The following MTMR1 variants were observed in gnomAD, a reference collection of about 807,000 sequenced individuals.
The protein encoded by MTMR1 is phosphatidylinositol-3-phosphate phosphatase MTMR1.
Under a neutral mutation model 51.6 loss-of-function variants are expected in MTMR1, and 17 were observed. The observed-to-expected ratio is 0.33, with a 90% CI of 0.23 to 0.49. The LOEUF is 0.49. Ranked by LOEUF, MTMR1 falls within the 20% of genes least tolerant of loss-of-function variation. The pLI is 0.99. For missense variants in MTMR1, 386 were observed against 526.9 expected (o/e 0.73, Z 2.62); for synonymous variants, 201 against 205.6 (o/e 0.98, Z 0.19).
Position 150,765,030 on chromosome X carries a change from GCA to G in MTMR1, c.*2304_*2305del, listed in dbSNP as rs1166084561. The stretch of plus-strand genomic sequence containing the variant: ...GGATTGAATGTTTACTGTGCGTCAA[GCA>G]CAGTTAATATATGATGATGTAAAGT... On this transcript the variant is annotated 3_prime_UTR_variant, in exon 16 of 16. Transcript: ENST00000445323. The G allele has an allele frequency of 9.0e-6, 1 of 111,603 alleles. No homozygotes were observed. The highest frequency in any genetic ancestry group is 3.2e-5 in the African/African-American group (1 of 30,783). 9.2% of individuals were successfully genotyped at this position (111,603 alleles called of 1,213,427 possible).
chrX:150,729,218 C>CCACACACACA (rs57306023), intron 6 of MTMR1, among the ~76,000 whole-genome samples: 1 of 100,107 alleles, frequency 1.0e-5, no homozygotes, highest in Non-Finnish European at 2.0e-5. Flanking sequence ...ACACACCCAC[C>CCACACACACA]CACACACACA....
intron 3 of MTMR1, among the ~76,000 whole-genome samples, chrX:150,713,505 A>T (rs1319445301): frequency 8.9e-5 from 10 of 111,832 alleles, no homozygotes; most frequent in Non-Finnish European, 1.5e-4. Flanking sequence ...TTAAAGCTTT[A>T]CTAGTTCTTC....
chrX:150,737,537 T>TAC (rs1421599112), intron 12 of MTMR1, 89 bp downstream of exon 12: 7 of 742,362 alleles, frequency 9.4e-6, no homozygotes, highest in Non-Finnish European at 1.4e-5. Context: ...AGCGCATATA[T>TAC]ACACACACAC....
intron 4 of MTMR1, among the ~76,000 whole-genome samples, chrX:150,719,398 G>A (rs2041672059): frequency 8.9e-6 from 1 of 111,841 alleles, no homozygotes; most frequent in South Asian, 3.8e-4. Flanking sequence ...TTTGAGTAGC[G>A]GGGCTCTCCC....
intron 1 of MTMR1, among the ~76,000 whole-genome samples, chrX:150,695,104 G>C (rs1557415697): frequency 8.9e-6 from 1 of 112,299 alleles, no homozygotes; most frequent in African/African-American, 3.2e-5. Flanking sequence ...GGGGGTGATA[G>C]TATTCTAGTC....
chrX:150,705,458 A>C (rs190263595), intron 2 of MTMR1, among the ~76,000 whole-genome samples: 1 of 112,458 alleles, frequency 8.9e-6, no homozygotes, highest in Admixed American at 9.4e-5. Context: ...CAAAGAAAAA[A>C]ATATTGAAAG....
intron 14 of MTMR1, among the ~76,000 whole-genome samples, chrX:150,755,480 T>C (rs2148670968): frequency 8.9e-6 from 1 of 111,974 alleles, no homozygotes; most frequent in Non-Finnish European, 1.9e-5. Flanking sequence ...TTCAGCAATA[T>C]GTTTTTCCAG....
chrX:150,715,326 A>G (rs1347543432), intron 3 of MTMR1, among the ~76,000 whole-genome samples: 1 of 112,472 alleles, frequency 8.9e-6, no homozygotes, highest in Non-Finnish European at 1.9e-5. Flanking sequence ...GAACAAATTC[A>G]GGGAGCTGGC....
chrX:150,712,829 T>G, intron 3 of MTMR1: 1 of 381,192 alleles, frequency 2.6e-6, no homozygotes, highest in African/African-American at 2.8e-5. Context: ...AAAGCAGAAG[T>G]GCTAATCTTG....
At chrX:150,693,026 G>A (rs2040532398), upstream of MTMR1, 1 of 111,474 alleles carries the variant, frequency 9.0e-6, no homozygotes. Context: ...CAAGACCGAG[G>A]GAGCTTGAGC....
At chrX:150,707,309 G>T (rs2041145534) in intron 2 of MTMR1, among the ~76,000 whole-genome samples, 1 of 111,686 alleles carries the variant, frequency 9.0e-6, no homozygotes, top group Non-Finnish European at 1.9e-5. Flanking sequence ...GCTACAAAGT[G>T]GAAGAAAATA....
At chrX:150,751,230 G>GGT in intron 14 of MTMR1, 1 of 787,324 alleles carries the variant, frequency 1.3e-6, no homozygotes. Flanking sequence ...TAGCCAAAAA[G>GGT]CCCACTTTAG....
At chrX:150,718,479 G>A in intron 3 of MTMR1, 146 bp from the exon 4 acceptor site, 1 of 658,808 alleles carries the variant, frequency 1.5e-6, no homozygotes, top group Non-Finnish European at 2.1e-6. Flanking sequence ...CTTTGAAGGG[G>A]TTGGGTGCTT....
At chrX:150,718,603 T>C (rs1557416488) in intron 3 of MTMR1, 22 bp from the exon 4 acceptor site, 1 of 983,902 alleles carries the variant, frequency 1.0e-6, no homozygotes, top group Non-Finnish European at 1.3e-6. Flanking sequence ...TTTTTTTTTT[T>C]TTTTTTTTTT....
intron 12 of MTMR1, 50 bp downstream of exon 12, chrX:150,737,498 GGAT>G (rs2042308316): frequency 9.6e-7 from 1 of 1,046,921 alleles, no homozygotes. Context: ...GGTATCATAT[GGAT>G]GTAAACGTCA....
At chrX:150,742,632 C>T (rs1014873895) in intron 12 of MTMR1, among the ~76,000 whole-genome samples, 68 of 109,073 alleles carry the variant, frequency 6.2e-4, no homozygotes, top group African/African-American at 9.0e-4. Context: ...TTGGCTAACA[C>T]GGTGAAACCC....
chrX:150,701,831 A>G (rs782133370), intron 2 of MTMR1, among the ~76,000 whole-genome samples: 2 of 111,850 alleles, frequency 1.8e-5, no homozygotes, highest in East Asian at 5.6e-4. Context: ...ACTCTAGCCT[A>G]GACAACATAG....
intron 3 of MTMR1, 140 bp from the exon 4 acceptor site, chrX:150,718,485 T>G: frequency 1.4e-6 from 1 of 709,695 alleles, no homozygotes; most frequent in Non-Finnish European, 1.9e-6. Context: ...AGGGGTTGGG[T>G]GCTTATTTTG....
chrX:150,752,826 C>T lies in MTMR1; in HGVS notation c.1680+1983C>T, dbSNP rs149143660. 4.4e-3 allele frequency among the ~76,000 whole-genome samples: 483 copies of T among 110,353 alleles called. 3 individuals carry two copies. The Middle Eastern group carries it at 0.046, about 11-fold the overall frequency. On this transcript the variant is annotated intron_variant, in intron 14 of 15. Coordinates refer to ENST00000445323, the MANE Select transcript of MTMR1 (RefSeq NM_001306144.3). ...ATCTCTTTATTTCTATTTTTTGTAG[C>T]GATTGGGGTCTTGCTGTGTTGCCCA...
Sources: gnomAD v4.1 joint callset for allele counts (sites outside exome capture counted in the v4.1 genomes callset) on GRCh38, gnomAD v4.1.1 for gene constraint, MANE v1.5 for transcripts, NCBI Gene and HGNC (gene_info 2026-07-23, HGNC 2026-07-21) for gene names.